The following AHRR variants were observed in gnomAD, a reference collection of about 807,000 sequenced individuals.
The protein encoded by AHRR is ahR repressor.
A neutral mutation model predicts 44.0 loss-of-function variants in AHRR; 28 were observed. The observed-to-expected ratio is 0.64, with a 90% CI of 0.47 to 0.87. The LOEUF (loss-of-function observed/expected upper bound fraction) is 0.87. Among genes scored for constraint, AHRR ranks in the 40% least tolerant of loss-of-function variants. The pLI, the probability that AHRR is intolerant of heterozygous loss-of-function variation, is 0.00. For synonymous variants in AHRR, 434 were observed against 407.0 expected (o/e 1.07, Z -0.80); for missense variants, 990 against 953.9 (o/e 1.04, Z -0.50).
intron 5 of AHRR, among the ~76,000 whole-genome samples, chr5:420,133 A>C (rs1736004007): frequency 1.3e-5 from 2 of 152,360 alleles, no homozygotes; most frequent in South Asian, 4.1e-4. Context: ...AGAACCGTGC[A>C]GTTCCTGGAG....
rs531976216 is a variant in AHRR at position 438,152 on chromosome 5, A to G, written c.*3318A>G. On this transcript the variant is annotated 3_prime_UTR_variant, in exon 11 of 11. Transcript: ENST00000684583. ...CTTGTTGAATTTTTAAAACTTATGCACTATAAATGCAACTTTCTCTACTGC... is the reference window on the plus strand; with the variant it reads ...CTTGTTGAATTTTTAAAACTTATGCGCTATAAATGCAACTTTCTCTACTGC... 2.6e-5 allele frequency: 4 copies of G among 152,510 alleles called. No individual in the cohort carries two copies. The highest frequency in any genetic ancestry group is 4.1e-4 in the South Asian group (2 of 4,834). The allele number at this position is 152,510 out of a possible 1,614,324, so 9.4% of individuals were successfully genotyped here.
chr5:381,018 G>T (rs1733958819), intron 4 of AHRR, among the ~76,000 whole-genome samples: 1 of 152,232 alleles, frequency 6.6e-6, no homozygotes, highest in Admixed American at 6.5e-5. Flanking sequence ...TCTAAGAGCT[G>T]AGGAACCTGG....
At chr5:414,581 G>A (rs1735634743) in intron 5 of AHRR, among the ~76,000 whole-genome samples, 2 of 152,292 alleles carry the variant, frequency 1.3e-5, no homozygotes, top group East Asian at 1.9e-4. Flanking sequence ...AGCCATAGAT[G>A]GTGAGCAGGA....
chr5:432,662 C>G, intron 9 of AHRR, 138 bp downstream of exon 9: 1 of 1,497,958 alleles, frequency 6.7e-7, no homozygotes, highest in Non-Finnish European at 9.2e-7. Context: ...GTCTGTCCTG[C>G]TGTGGACAAG....
In AHRR at chr5:434,304, C is replaced by A. The variant is rs771702905; in HGVS notation, c.1564C>A (p.Leu522Met). The A allele has an allele frequency of 6.8e-6, 11 of 1,610,012 alleles. No individual in the cohort carries two copies. Among genetic ancestry groups the A allele is most frequent in the Non-Finnish European group, 9.3e-6 (11 of 1,178,076 alleles). The change falls in exon 11 of 11, where the codon CTG becomes ATG. Residue 522 changes from leucine to methionine, a missense_variant. Transcript: ENST00000684583. ...AGGTGTACCGATGCCTCCGGGGGAC[C>A]TGTGTGGTCCGACGCTGCTGCTAGA... ...LQGVPMPPGD[L>M]CGPTLLLDVS...
At chr5:393,968 C>T (rs534500558) in intron 4 of AHRR, among the ~76,000 whole-genome samples, 1 of 152,278 alleles carries the variant, frequency 6.6e-6, no homozygotes, top group Non-Finnish European at 1.5e-5. Flanking sequence ...AGTTTTGTGG[C>T]GACGTGTCCT....
At chr5:416,211 G>A (rs2126520318) in intron 5 of AHRR, among the ~76,000 whole-genome samples, 1 of 152,366 alleles carries the variant, frequency 6.6e-6, no homozygotes, top group African/African-American at 2.4e-5. Context: ...GCTGCCAAGG[G>A]GTGTCCAGGC....
chr5:340,068 G>A (rs1284337053), intron 1 of AHRR, among the ~76,000 whole-genome samples: 3 of 152,078 alleles, frequency 2.0e-5, no homozygotes, highest in Non-Finnish European at 4.4e-5. Context: ...TAAATAAGTC[G>A]ACAATTTTAA....
intron 7 of AHRR, among the ~76,000 whole-genome samples, chr5:426,892 G>T (rs1736433501): frequency 6.6e-6 from 1 of 151,564 alleles, no homozygotes; most frequent in Non-Finnish European, 1.5e-5. Context: ...TGGGTGGGTG[G>T]CTGGGTAGAT....
At chr5:385,546 A>G (rs1034806026) in intron 4 of AHRR, among the ~76,000 whole-genome samples, 1 of 152,190 alleles carries the variant, frequency 6.6e-6, no homozygotes, top group Non-Finnish European at 1.5e-5. Context: ...CTAGCACTTT[A>G]AATTTGTTGT....
rs914414578 is a variant in AHRR, at chr5:405,164, C to A, written c.352-8180C>A. ...GGCAAACCGAGAGCTTGTGAACAGC[C>A]CCGATGGGTCCAGGCAGATTCACCA... is the stretch of plus-strand genomic sequence containing the variant. On this transcript the variant is annotated intron_variant, in intron 4 of 10. Coordinates refer to ENST00000684583, the MANE Select transcript of AHRR (RefSeq NM_001377236.1). This position sits in a 1 kb window ranked among gnomAD's most constrained non-coding sequence, Gnocchi z 4.5. 6.6e-6 allele frequency among the ~76,000 whole-genome samples: 1 copy of A among 152,042 alleles called. No homozygotes were observed. Among genetic ancestry groups the A allele is most frequent in the Non-Finnish European group, 1.5e-5 (1 of 68,002 alleles).
intron 1 of AHRR, among the ~76,000 whole-genome samples, chr5:323,697 C>T (rs967077055): frequency 6.6e-6 from 1 of 152,178 alleles, no homozygotes; most frequent in Admixed American, 6.5e-5. Context: ...GAGGGGGAGG[C>T]AGCTGTGGTT....
At position 434,245 on chromosome 5, in the gene AHRR, C is replaced by T. The variant is rs200991218; in HGVS notation, c.1505C>T (p.Thr502Met). ...LPQPGAQRFA[T>M]RGYPMEDMKL... ...CAGCCTGGAGCTCAGCGTTTTGCCA[C>T]GAGGGGCTATCCCATGGAGGACATG... Residue 502 changes from threonine (T) to methionine (M), a missense_variant, in exon 11 of 11, where the codon ACG (threonine) becomes ATG (methionine). Coordinates refer to ENST00000684583, the MANE Select transcript of AHRR (RefSeq NM_001377236.1). 4.4e-6 allele frequency: 7 copies of T among 1,594,370 alleles called. No homozygotes were observed. The highest frequency in any genetic ancestry group is 1.7e-4 in the Middle Eastern group (1 of 5,968).
intron 4 of AHRR, among the ~76,000 whole-genome samples, chr5:389,445 C>A (rs570439225): frequency 6.6e-6 from 1 of 152,168 alleles, no homozygotes; most frequent in African/African-American, 2.4e-5. Context: ...ACATTCAACG[C>A]GAGGGAGCCA....
chr5:421,288 G>T, intron 5 of AHRR: 1 of 697,902 alleles, frequency 1.4e-6, no homozygotes, highest in Non-Finnish European at 2.6e-6. Context: ...AACGGGCGAG[G>T]CTGTTGCGCT....
At chr5:426,033 G>A (rs1224623374) in intron 7 of AHRR, among the ~76,000 whole-genome samples, 1 of 152,192 alleles carries the variant, frequency 6.6e-6, no homozygotes. Flanking sequence ...CAGCTGTGTT[G>A]GGAATATTTA....
At chr5:423,702 G>T in intron 6 of AHRR, 139 bp from the exon 7 acceptor site, 1 of 1,193,428 alleles carries the variant, frequency 8.4e-7, no homozygotes, top group Non-Finnish European at 1.1e-6. Flanking sequence ...ACATCTAGAG[G>T]GATGCTGGGG....
chr5:377,722 G>T lies in AHRR; in HGVS notation c.351+1006G>T, dbSNP rs544652830. ...TCTACTCTGTCCCCGCTAGTGAATG[G>T]GTCCCAGCTCCTGGGGCCTGGGAAG... On this transcript the variant is annotated intron_variant, in intron 4 of 10. Coordinates refer to ENST00000684583, the MANE Select transcript of AHRR (RefSeq NM_001377236.1). 3.7e-4 allele frequency among the ~76,000 whole-genome samples: 56 copies of T among 152,348 alleles called. No homozygotes were observed. In the East Asian group the frequency reaches 9.7e-3, roughly 26 times the overall value.
chr5:423,244 C>T (rs554136649), intron 6 of AHRR, among the ~76,000 whole-genome samples: 18 of 152,290 alleles, frequency 1.2e-4, no homozygotes, highest in Admixed American at 1.3e-4. Context: ...AATAAAAGTC[C>T]CTGAAAGATT....
Sources: gnomAD v4.1 joint callset for allele counts (sites outside exome capture counted in the v4.1 genomes callset) on GRCh38, gnomAD v4.1.1 for gene constraint, Gnocchi (gnomAD v3.1) non-coding constraint, MANE v1.5 for transcripts, NCBI Gene and HGNC (gene_info 2026-07-23, HGNC 2026-07-21) for gene names.